Variants in MAML3 observed in about 807,000 individuals in gnomAD.
MAML3 encodes mastermind-like protein 3.
MAML3 carries 27 observed loss-of-function variants against 101.9 expected under a neutral mutation model. The ratio of observed to expected loss-of-function variants is 0.27; its 90% CI spans 0.20 to 0.37. MAML3 has a LOEUF of 0.37. Among genes scored for constraint, MAML3 ranks in the 10% least tolerant of loss-of-function variants. The pLI, the probability that MAML3 is intolerant of heterozygous loss-of-function variation, is 1.00. For missense variants in MAML3, 1,316 were observed against 1,444.9 expected (o/e 0.91, Z 1.45); for synonymous variants, 501 against 555.9 (o/e 0.90, Z 1.39).
chr4:139,916,688 G>C (rs1733034810), intron 1 of MAML3, among the ~76,000 whole-genome samples: 1 of 152,096 alleles, frequency 6.6e-6, no homozygotes, highest in Admixed American at 6.5e-5. Flanking sequence ...CCTTCACCCA[G>C]GTCTTTCTAT....
intron 1 of MAML3, among the ~76,000 whole-genome samples, chr4:140,144,718 T>C (rs945263683): frequency 6.6e-6 from 1 of 152,178 alleles, no homozygotes; most frequent in Non-Finnish European, 1.5e-5. Context: ...CAGCAAGTTC[T>C]CCAAGTTCAG....
At chr4:139,879,432 TC>T (rs1414334338) in intron 2 of MAML3, among the ~76,000 whole-genome samples, 3 of 147,574 alleles carry the variant, frequency 2.0e-5, no homozygotes, top group African/African-American at 7.6e-5. Flanking sequence ...AGGATGAGGC[TC>T]AAGAATCGCT....
chr4:140,137,084 G>A (rs1435571981), intron 1 of MAML3, among the ~76,000 whole-genome samples: 2 of 152,228 alleles, frequency 1.3e-5, no homozygotes, highest in East Asian at 1.9e-4. Context: ...CGCCTCCCGG[G>A]TTCACGCCAT....
At chr4:140,132,198 T>C (rs1017529909) in intron 1 of MAML3, among the ~76,000 whole-genome samples, 1 of 152,238 alleles carries the variant, frequency 6.6e-6, no homozygotes, top group Non-Finnish European at 1.5e-5. Flanking sequence ...AGAGGCACAG[T>C]CCACGAATGC....
chr4:139,996,791 T>C (rs1734825965), intron 1 of MAML3, among the ~76,000 whole-genome samples: 1 of 151,970 alleles, frequency 6.6e-6, no homozygotes, highest in Non-Finnish European at 1.5e-5. Flanking sequence ...CCAGGCACGG[T>C]GGCTCACGCC....
chr4:139,911,543 A>C (rs1406398627), intron 1 of MAML3, among the ~76,000 whole-genome samples: 1 of 152,122 alleles, frequency 6.6e-6, no homozygotes, highest in East Asian at 1.9e-4. Flanking sequence ...AAGGCGGAAA[A>C]ATATTTCATG....
intron 1 of MAML3, among the ~76,000 whole-genome samples, chr4:139,957,408 T>A: frequency 6.6e-6 from 1 of 152,070 alleles, no homozygotes; most frequent in East Asian, 1.9e-4. Flanking sequence ...TGGCTGAAAA[T>A]AAGCATGAGT....
In MAML3 at chr4:140,000,313, C is replaced by A. The variant is rs921129637; in HGVS notation, c.469-109346G>T. Among the ~76,000 whole-genome samples, 4 of 151,900 alleles carry A rather than the reference C, an allele frequency of 2.6e-5. No individual in the cohort carries two copies. The South Asian group carries it at 6.3e-4, about 24-fold the overall frequency. ...AGCAAAGCAGTAGAAGATCCATAAC[C>A]TCTATTCCCCTATCCCTGAAGAAAA... On this transcript the variant is annotated intron_variant, in intron 1 of 4. Transcript: ENST00000509479.
At chr4:139,790,481 G>A (rs1025391592) in intron 2 of MAML3, among the ~76,000 whole-genome samples, 13 of 151,366 alleles carry the variant, frequency 8.6e-5, no homozygotes, top group African/African-American at 2.7e-4. Flanking sequence ...CAACATCACC[G>A]CTATCCATTT....
intron 2 of MAML3, among the ~76,000 whole-genome samples, chr4:139,792,997 C>T (rs1240434474): frequency 2.0e-5 from 3 of 152,114 alleles, no homozygotes; most frequent in Non-Finnish European, 2.9e-5. Context: ...CCGCCCGCCT[C>T]GGCCTCCCAA....
In MAML3 at chr4:140,131,119, T is replaced by C. The variant is rs147445593; in HGVS notation, c.468+21741A>G. Reference sequence around the variant, plus strand: ...GGCCAAAACCCTCCAGTCATTTCAGTGAAGGTCAAGCCCTCTTTTGTTTCT... The same window carrying C: ...GGCCAAAACCCTCCAGTCATTTCAGCGAAGGTCAAGCCCTCTTTTGTTTCT... On this transcript the variant is annotated intron_variant, in intron 1 of 4. Coordinates refer to ENST00000509479, the MANE Select transcript of MAML3 (RefSeq NM_018717.5). 1.9e-3 allele frequency among the ~76,000 whole-genome samples: 284 copies of C among 152,284 alleles called. 1 individual carries two copies. The highest frequency in any genetic ancestry group is 6.5e-3 in the African/African-American group (270 of 41,558).
At chr4:139,809,654 G>A (rs928954235) in intron 2 of MAML3, among the ~76,000 whole-genome samples, 2 of 152,214 alleles carry the variant, frequency 1.3e-5, no homozygotes, top group Middle Eastern at 3.4e-3. Context: ...CCAAAACCAC[G>A]GAAACCATAT....
chr4:139,816,807 C>T (rs562046714), intron 2 of MAML3, among the ~76,000 whole-genome samples: 124 of 152,200 alleles, frequency 8.1e-4, no homozygotes, highest in Non-Finnish European at 1.1e-3. Flanking sequence ...CTAGATTCCA[C>T]GCTCTCAACA....
intron 2 of MAML3, among the ~76,000 whole-genome samples, chr4:139,834,869 G>A (rs1465088286): frequency 6.6e-6 from 1 of 152,216 alleles, no homozygotes; most frequent in African/African-American, 2.4e-5. Context: ...AGTCTAGTTA[G>A]AGAGAGGGTA....
chr4:140,136,740 T>G (rs1350355842), intron 1 of MAML3, among the ~76,000 whole-genome samples: 3 of 152,180 alleles, frequency 2.0e-5, no homozygotes, highest in Non-Finnish European at 4.4e-5. Context: ...TGAAGGTCAC[T>G]TCCCCAAATG....
At chr4:139,977,425 C>G (rs973910273) in intron 1 of MAML3, among the ~76,000 whole-genome samples, 1 of 152,220 alleles carries the variant, frequency 6.6e-6, no homozygotes, top group East Asian at 1.9e-4. Flanking sequence ...CATTTTAGTC[C>G]AAGTGTGTCC....
chr4:139,770,590 CA>C (rs1317582156), intron 2 of MAML3, among the ~76,000 whole-genome samples: 1 of 152,202 alleles, frequency 6.6e-6, no homozygotes, highest in Non-Finnish European at 1.5e-5. Flanking sequence ...GAGGGCGAGG[CA>C]GGCGCTCAGT....
At chr4:140,070,738 C>A (rs1468643587) in intron 1 of MAML3, among the ~76,000 whole-genome samples, 2 of 152,230 alleles carry the variant, frequency 1.3e-5, no homozygotes, top group East Asian at 3.9e-4. Flanking sequence ...GGTAGGACTC[C>A]TACCTAAGGC....
At chr4:140,032,408 A>G (rs1035279678) in intron 1 of MAML3, among the ~76,000 whole-genome samples, 2 of 152,220 alleles carry the variant, frequency 1.3e-5, no homozygotes, top group East Asian at 3.8e-4. Context: ...ACCTGAATGA[A>G]AACTTCAGAC....
Sources: gnomAD v4.1 joint callset for allele counts (sites outside exome capture counted in the v4.1 genomes callset) on GRCh38, gnomAD v4.1.1 for gene constraint, MANE v1.5 for transcripts, NCBI Gene and HGNC (gene_info 2026-07-23, HGNC 2026-07-21) for gene names.